Variants in SLC14A2 observed in about 807,000 individuals in gnomAD.
SLC14A2 encodes the protein urea transporter 2.
SLC14A2 carries 91 observed loss-of-function variants against 104.6 expected under a neutral mutation model. That is an observed-to-expected ratio of 0.87 (90% CI 0.73 to 1.04). The LOEUF (loss-of-function observed/expected upper bound fraction) is 1.04, where lower values mean the gene tolerates loss of function less well. Among genes scored for constraint, SLC14A2 ranks in the 50% least tolerant of loss-of-function variants. The pLI, the probability that SLC14A2 is intolerant of heterozygous loss-of-function variation, is 0.00. For synonymous variants in SLC14A2, 476 were observed against 466.4 expected, an observed-to-expected ratio of 1.02 and a Z score of -0.27; for missense variants, 1,189 against 1,156.0, an observed-to-expected ratio of 1.03 and a Z score of -0.41.
intron 18 of SLC14A2, among the ~76,000 whole-genome samples, chr18:45,678,522 G>A (rs780695304): frequency 2.0e-5 from 3 of 152,188 alleles, no homozygotes; most frequent in African/African-American, 7.2e-5. Flanking sequence ...GAGCCTACAC[G>A]ACAAGGCACT....
At chr18:45,405,811 A>T (rs553341703) in intron 1 of SLC14A2, among the ~76,000 whole-genome samples, 1 of 150,530 alleles carries the variant, frequency 6.6e-6, no homozygotes, top group South Asian at 2.1e-4. Context: ...AGGCAGGAGA[A>T]TTGCTTGAAC....
At chr18:45,314,023 T>A (rs2085104002) in intron 1 of SLC14A2, among the ~76,000 whole-genome samples, 1 of 152,224 alleles carries the variant, frequency 6.6e-6, no homozygotes, top group Non-Finnish European at 1.5e-5. Flanking sequence ...GAAGCTTGCC[T>A]TATTTGTCTC....
intron 2 of SLC14A2, among the ~76,000 whole-genome samples, chr18:45,554,644 C>T (rs183802253): frequency 1.3e-4 from 20 of 151,898 alleles, no homozygotes; most frequent in Admixed American, 1.1e-3. Context: ...GAACCTTGTG[C>T]TGGGAAGGAT....
chr18:45,675,709 A>ATATT (rs57989993), intron 18 of SLC14A2, among the ~76,000 whole-genome samples: 2 of 78,386 alleles, frequency 2.6e-5, no homozygotes, highest in Non-Finnish European at 4.8e-5. Flanking sequence ...ATATATATAT[A>ATATT]TTTTTTTTTT....
intron 2 of SLC14A2, among the ~76,000 whole-genome samples, chr18:45,525,084 C>T (rs1052702862): frequency 6.6e-6 from 1 of 152,002 alleles, no homozygotes; most frequent in African/African-American, 2.4e-5. Context: ...AAAAAGGATA[C>T]CTCTTGGGGG....
At chr18:45,330,576 T>G (rs1263696061) in intron 1 of SLC14A2, among the ~76,000 whole-genome samples, 5 of 152,204 alleles carry the variant, frequency 3.3e-5, no homozygotes, top group Non-Finnish European at 7.3e-5. Context: ...CCATCCCAAA[T>G]AGCCCACAGG....
At chr18:45,346,791 A>G (rs950815632) in intron 1 of SLC14A2, among the ~76,000 whole-genome samples, 7 of 151,828 alleles carry the variant, frequency 4.6e-5, no homozygotes, top group African/African-American at 1.7e-4. Context: ...GTGAAACCCC[A>G]TCTTGACTAA....
Position 45,454,919 on chromosome 18 carries a change from G to C in SLC14A2, c.-124-28314G>C, listed in dbSNP as rs1192807437. On this transcript the variant is annotated intron_variant, in intron 1 of 20. Coordinates refer to the SLC14A2 transcript ENST00000586448. ...TTGGTTACTGTAGCCTTGTAGTATA[G>C]TTTGAAGTCAGGTAGCGTGATGCCT... 2.6e-5 allele frequency among the ~76,000 whole-genome samples: 4 copies of C among 152,310 alleles called. No homozygotes were observed. In the East Asian group the frequency reaches 7.7e-4, roughly 29 times the overall value.
At chr18:45,632,142 TGTTTGTGTGTG>T (rs1568306097) in intron 4 of SLC14A2, among the ~76,000 whole-genome samples, 197 bp from the exon 5 acceptor site, 2 of 116,304 alleles carry the variant, frequency 1.7e-5, no homozygotes, top group Admixed American at 8.4e-5. Context: ...TGTGTGTGTG[TGTTTGTGTGTG>T]TGTGTGTGTG....
chr18:45,557,677 T>C (rs112900081), intron 2 of SLC14A2, among the ~76,000 whole-genome samples: 10 of 152,292 alleles, frequency 6.6e-5, no homozygotes, highest in African/African-American at 2.2e-4. Context: ...ATATTGGGCC[T>C]GGAGTTTGTG....
At position 45,214,918 on chromosome 18, in the gene SLC14A2, A is replaced by T. The variant is rs1263549176; in HGVS notation, c.-125+1727A>T. Among the ~76,000 whole-genome samples, 3 of 87,402 alleles carry T rather than the reference A, an allele frequency of 3.4e-5. No individual in the cohort carries two copies. In the East Asian group the frequency reaches 8.1e-4, roughly 24 times the overall value. The allele number at this position is 87,402 out of a possible 152,430, so 57.3% of individuals were successfully genotyped here. A position where few individuals can be genotyped will look rare whatever the true frequency, so the allele number is the denominator to read the frequency against. On this transcript the variant is annotated intron_variant, in intron 1 of 20. Transcript: ENST00000586448. ...GTATCTATCGGACCATGTCTTTAAA[A>T]AAAAAAAAAAAAAAAAAGAAAAGAA... is the stretch of plus-strand genomic sequence containing the variant.
Position 45,597,968 on chromosome 18 carries a change from G to C in SLC14A2, c.-34-26663G>C, listed in dbSNP as rs1023187651. Among the ~76,000 whole-genome samples the C allele has an allele frequency of 3.9e-5, 6 of 152,264 alleles. No individual in the cohort carries two copies. In the East Asian group the frequency reaches 1.2e-3, roughly 29 times the overall value. ...GTGACAGTCCCTTGTACTGAGACTG[G>C]GGAGCCTCATGGGAGGATGGGTTGT... is the stretch of plus-strand genomic sequence containing the variant. On this transcript the variant is annotated intron_variant, in intron 2 of 20. Transcript: ENST00000586448.
chr18:45,445,004 T>A (rs1161832714), intron 1 of SLC14A2, among the ~76,000 whole-genome samples: 1 of 151,432 alleles, frequency 6.6e-6, no homozygotes, highest in Non-Finnish European at 1.5e-5. Flanking sequence ...AATTAATGAG[T>A]GAATGGAACT....
intron 1 of SLC14A2, among the ~76,000 whole-genome samples, chr18:45,400,213 A>G (rs1189641913): frequency 6.6e-6 from 1 of 152,220 alleles, no homozygotes; most frequent in Non-Finnish European, 1.5e-5. Context: ...CCAATTCAGA[A>G]TCATGGATTA....
At chr18:45,207,390 G>A in the SLC14A2 span, among the ~76,000 whole-genome samples, 1 of 146,558 alleles carries the variant, frequency 6.8e-6, no homozygotes, top group South Asian at 2.3e-4. Context: ...GAAGGAAAGG[G>A]AGGGGGGAGG....
chr18:45,276,017 G>A (rs1395228098), intron 1 of SLC14A2, among the ~76,000 whole-genome samples: 1 of 152,212 alleles, frequency 6.6e-6, no homozygotes, highest in Admixed American at 6.5e-5. Flanking sequence ...GTCAAAAGAC[G>A]AAATGAGCCA....
At chr18:45,203,353 C>CA in the SLC14A2 span, among the ~76,000 whole-genome samples, 1 of 152,220 alleles carries the variant, frequency 6.6e-6, no homozygotes, top group East Asian at 1.9e-4. Context: ...CTACTCTTCT[C>CA]AAAACCATCA....
At chr18:45,631,830 A>C (rs1408216030) in intron 4 of SLC14A2, among the ~76,000 whole-genome samples, 1 of 152,196 alleles carries the variant, frequency 6.6e-6, no homozygotes, top group African/African-American at 2.4e-5. Context: ...CATGTTGCCC[A>C]GGCTGGTTGA....
intron 2 of SLC14A2, among the ~76,000 whole-genome samples, chr18:45,607,167 G>C (rs1395900538): frequency 6.6e-6 from 1 of 152,114 alleles, no homozygotes; most frequent in African/African-American, 2.4e-5. Context: ...ATGTCCCCAA[G>C]GGGTAGCCAG....
Sources: allele counts gnomAD v4.1 joint callset (sites outside exome capture counted in the v4.1 genomes callset), GRCh38; gene constraint gnomAD v4.1.1; transcripts MANE v1.5; gene names NCBI Gene and HGNC (gene_info 2026-07-23, HGNC 2026-07-21).